TMEM132C: variants seen among roughly 807,000 people sequenced by gnomAD.
The protein encoded by TMEM132C is transmembrane protein 132C, also known as protein phosphatase 1, regulatory subunit 152.
A neutral mutation model predicts 61.4 loss-of-function variants in TMEM132C; 29 were observed. The ratio of observed to expected loss-of-function variants is 0.47; its 90% CI spans 0.35 to 0.64. TMEM132C has a LOEUF of 0.64. TMEM132C is among the 30% of genes least tolerant of loss of function. The pLI is 0.00. For missense variants in TMEM132C, 1,408 were observed against 1,476.9 expected, an observed-to-expected ratio of 0.95 and a Z score of 0.76; for synonymous variants, 656 against 633.1, an observed-to-expected ratio of 1.04 and a Z score of -0.54.
chr12:128,440,311 G>A (rs1439833653), intron 2 of TMEM132C, among the ~76,000 whole-genome samples: 1 of 152,168 alleles, frequency 6.6e-6, no homozygotes, highest in Non-Finnish European at 1.5e-5. Flanking sequence ...GTTCTCAACT[G>A]CAAACAACAG....
chr12:128,475,278 A>G (rs1871121167), intron 2 of TMEM132C, among the ~76,000 whole-genome samples: 1 of 152,216 alleles, frequency 6.6e-6, no homozygotes, highest in African/African-American at 2.4e-5. Context: ...TCAGGCTTAC[A>G]CATAAAAGGT....
At chr12:128,400,550 C>T (rs1397497192) in intron 1 of TMEM132C, among the ~76,000 whole-genome samples, 1 of 151,472 alleles carries the variant, frequency 6.6e-6, no homozygotes, top group Non-Finnish European at 1.5e-5. Context: ...TCCCTGGCCT[C>T]TGACTGCCCG....
chr12:128,630,670 C>G lies in TMEM132C; in HGVS notation c.1305+14335C>G, dbSNP rs978200228. On this transcript the variant is annotated intron_variant, in intron 4 of 8. Coordinates refer to ENST00000435159, the MANE Select transcript of TMEM132C (RefSeq NM_001136103.3). This position sits in a 1 kb window ranked among gnomAD's most constrained non-coding sequence, Gnocchi z 4.3. ...AACTTGGCTGTGTCCACTCCCTAGT[C>G]CTCACCTTCCAGATCACTGCTCAAT... 1.3e-5 allele frequency among the ~76,000 whole-genome samples: 2 copies of G among 152,186 alleles called. No homozygotes were observed. The highest frequency in any genetic ancestry group is 4.8e-5 in the African/African-American group (2 of 41,424).
chr12:128,271,600 T>A (rs1393229932), intron 1 of TMEM132C, among the ~76,000 whole-genome samples: 1 of 152,198 alleles, frequency 6.6e-6, no homozygotes, highest in Non-Finnish European at 1.5e-5. Context: ...GTGTAATTTC[T>A]TTTATGGCTA....
intron 2 of TMEM132C, among the ~76,000 whole-genome samples, chr12:128,501,327 A>C (rs183806677): frequency 2.0e-5 from 3 of 152,274 alleles, no homozygotes; most frequent in Admixed American, 2.0e-4. Context: ...GCACATGAGG[A>C]GACTGTCATT....
chr12:128,530,304 T>C (rs1465335147), intron 2 of TMEM132C, among the ~76,000 whole-genome samples: 2 of 152,190 alleles, frequency 1.3e-5, no homozygotes, highest in Non-Finnish European at 2.9e-5. Flanking sequence ...GTGTTTAACA[T>C]CTTGCTCCCT....
At chr12:128,614,882 A>C (rs1876748448) in intron 3 of TMEM132C, among the ~76,000 whole-genome samples, 1 of 152,196 alleles carries the variant, frequency 6.6e-6, no homozygotes, top group South Asian at 2.1e-4. Context: ...AACACAGACG[A>C]CAAAGGTCCA....
chr12:128,536,305 A>G (rs1157337797), intron 2 of TMEM132C, among the ~76,000 whole-genome samples: 1 of 151,886 alleles, frequency 6.6e-6, no homozygotes, highest in African/African-American at 2.4e-5. Context: ...AAAACCAAAC[A>G]CCGCATGTTC....
intron 1 of TMEM132C, among the ~76,000 whole-genome samples, chr12:128,350,412 G>A (rs1441571260): frequency 2.6e-5 from 4 of 152,154 alleles, no homozygotes; most frequent in African/African-American, 9.7e-5. Context: ...CCCTTAGATG[G>A]GTGAAAGAGA....
rs565101263 is a variant in TMEM132C, at chr12:128,566,560, G to T, written c.1121+22457G>T. 6.4e-3 allele frequency among the ~76,000 whole-genome samples: 975 copies of T among 152,282 alleles called. 5 individuals are homozygous for T. Among genetic ancestry groups the T allele is most frequent in the Non-Finnish European group, 9.5e-3 (645 of 68,010 alleles). On this transcript the variant is annotated intron_variant, in intron 3 of 8. Coordinates refer to ENST00000435159, the MANE Select transcript of TMEM132C (RefSeq NM_001136103.3). The stretch of plus-strand genomic sequence containing the variant: ...CTGGCTGTTGGTATTTGCTTTGTTT[G>T]TTTCTAGAGCATATCAAACTGACAT...
At chr12:128,515,413 G>A (rs1872686052) in intron 2 of TMEM132C, among the ~76,000 whole-genome samples, 2 of 152,346 alleles carry the variant, frequency 1.3e-5, no homozygotes, top group South Asian at 4.1e-4. Flanking sequence ...ACAAGAACTG[G>A]ACGCACCTCT....
chr12:128,477,731 C>T (rs1012522332), intron 2 of TMEM132C, among the ~76,000 whole-genome samples: 9 of 152,158 alleles, frequency 5.9e-5, no homozygotes, highest in Non-Finnish European at 1.2e-4. Flanking sequence ...AGGCACCCGC[C>T]GTCACACCCG....
chr12:128,493,882 C>G (rs1258484401), intron 2 of TMEM132C, among the ~76,000 whole-genome samples: 2 of 152,136 alleles, frequency 1.3e-5, no homozygotes, highest in Admixed American at 6.6e-5. Context: ...ACTTCCAACA[C>G]TATGTTGAAT....
At chr12:128,270,753 C>A (rs1870484055) in intron 1 of TMEM132C, among the ~76,000 whole-genome samples, 1 of 152,220 alleles carries the variant, frequency 6.6e-6, no homozygotes, top group South Asian at 2.1e-4. Flanking sequence ...TCCCTCAAGT[C>A]GAAATTCCTT....
chr12:128,268,682 G>A (rs1193383), intron 1 of TMEM132C, among the ~76,000 whole-genome samples: 152,095 of 152,214 alleles, frequency 1, 75,988 homozygotes, highest in Middle Eastern at 1. Context: ...CTAGAAATGC[G>A]TTCAGAGAGA....
At chr12:128,476,800 G>A (rs76607138) in intron 2 of TMEM132C, among the ~76,000 whole-genome samples, 2,729 of 151,824 alleles carry the variant, frequency 0.018, 76 homozygotes, top group African/African-American at 0.062. Flanking sequence ...TCAGATAAAT[G>A]TATTGCACAG....
chr12:128,479,790 A>G (rs1050952158), intron 2 of TMEM132C, among the ~76,000 whole-genome samples: 6 of 152,208 alleles, frequency 3.9e-5, no homozygotes, highest in Admixed American at 1.3e-4. Context: ...CCCTGAGCTC[A>G]GTTTCCTCTT....
At chr12:128,427,778 T>C (rs1278371823) in intron 2 of TMEM132C, among the ~76,000 whole-genome samples, 3 of 152,216 alleles carry the variant, frequency 2.0e-5, no homozygotes, top group Non-Finnish European at 4.4e-5. Flanking sequence ...CAGTACAATG[T>C]GCAGGAGACA....
intron 4 of TMEM132C, among the ~76,000 whole-genome samples, chr12:128,643,958 A>C (rs1220134628): frequency 6.6e-6 from 1 of 152,184 alleles, no homozygotes; most frequent in East Asian, 1.9e-4. Context: ...CCAAACCTAC[A>C]ATAGAAATTA....
Sources: allele counts gnomAD v4.1 joint callset (sites outside exome capture counted in the v4.1 genomes callset), GRCh38; gene constraint gnomAD v4.1.1; non-coding constraint Gnocchi (gnomAD v3.1); transcripts MANE v1.5; gene names NCBI Gene and HGNC (gene_info 2026-07-23, HGNC 2026-07-21).